CSMD1: variants seen among roughly 807,000 people sequenced by gnomAD.
The protein encoded by CSMD1 is CUB and Sushi multiple domains 1.
A neutral mutation model predicts 417.5 loss-of-function variants in CSMD1; 213 were observed. The observed-to-expected ratio is 0.51, with a 90% CI of 0.46 to 0.57. The LOEUF (loss-of-function observed/expected upper bound fraction) is 0.57. CSMD1 is among the 20% of genes least tolerant of loss of function. The pLI is 0.00. For synonymous variants in CSMD1, 2,862 were observed against 1,736.8 expected (o/e 1.65, Z -16.11); for missense variants, 6,923 against 4,529.7 (o/e 1.53, Z -15.17).
intron 68 of CSMD1, among the ~76,000 whole-genome samples, chr8:2,944,477 A>G (rs1031261226): frequency 5.9e-5 from 9 of 152,170 alleles, no homozygotes; most frequent in African/African-American, 2.2e-4. Context: ...GGTTGTGAAA[A>G]TCATATGTTA....
chr8:4,169,949 G>C (rs533726604), intron 3 of CSMD1, among the ~76,000 whole-genome samples: 1 of 149,824 alleles, frequency 6.7e-6, no homozygotes, highest in African/African-American at 2.5e-5. Context: ...TTTGGCTTGC[G>C]TGTGTGTTTT....
chr8:4,084,828 C>T (rs1418548115), intron 3 of CSMD1, among the ~76,000 whole-genome samples: 1 of 150,710 alleles, frequency 6.6e-6, no homozygotes, highest in Non-Finnish European at 1.5e-5. Context: ...CTCAAGACAG[C>T]TCTGTTCCAT....
At chr8:2,967,600 T>A (rs757054595) in intron 57 of CSMD1, among the ~76,000 whole-genome samples, 7 of 152,176 alleles carry the variant, frequency 4.6e-5, no homozygotes, top group Non-Finnish European at 7.3e-5. Flanking sequence ...CTTAGTACTG[T>A]TGCAATAATA....
intron 3 of CSMD1, among the ~76,000 whole-genome samples, chr8:4,304,731 C>G (rs977362): frequency 0.76 from 115,335 of 152,002 alleles, 43,832 homozygotes; most frequent in East Asian, 0.85. Context: ...AACTAAATCA[C>G]TTGGTAAAAG....
chr8:4,777,459 T>C (rs1796924221), intron 1 of CSMD1, among the ~76,000 whole-genome samples: 1 of 152,162 alleles, frequency 6.6e-6, no homozygotes, highest in Admixed American at 6.5e-5. Context: ...GACAGATGTG[T>C]GCCTAGACTC....
chr8:3,932,392 C>T (rs548024029), intron 5 of CSMD1, among the ~76,000 whole-genome samples: 2 of 150,560 alleles, frequency 1.3e-5, no homozygotes, highest in East Asian at 2.0e-4. Context: ...GCTATGCCTG[C>T]AACATATGCC....
chr8:4,156,129 TC>T (rs1280933663), intron 3 of CSMD1, among the ~76,000 whole-genome samples: 2 of 151,900 alleles, frequency 1.3e-5, no homozygotes, highest in Non-Finnish European at 2.9e-5. Flanking sequence ...ACATTAAGAG[TC>T]CCTCTGCCTC....
chr8:4,052,431 T>A (rs1053213750), intron 3 of CSMD1, among the ~76,000 whole-genome samples: 10 of 152,152 alleles, frequency 6.6e-5, no homozygotes, highest in African/African-American at 2.2e-4. Flanking sequence ...ATCCCAAATA[T>A]CTTGTAGTGA....
chr8:4,162,990 G>C (rs369275679), intron 3 of CSMD1, among the ~76,000 whole-genome samples: 85 of 152,162 alleles, frequency 5.6e-4, no homozygotes, highest in African/African-American at 1.9e-3. Flanking sequence ...TCACAAAGTG[G>C]GTAACCTTTT....
chr8:4,773,536 T>C (rs1325820015), intron 1 of CSMD1, among the ~76,000 whole-genome samples: 1 of 152,202 alleles, frequency 6.6e-6, no homozygotes, highest in Non-Finnish European at 1.5e-5. Flanking sequence ...TATGATTCAG[T>C]TGAAAGAAAG....
chr8:4,511,244 T>G (rs1309182015), intron 2 of CSMD1, among the ~76,000 whole-genome samples: 3 of 152,144 alleles, frequency 2.0e-5, no homozygotes, highest in African/African-American at 7.2e-5. Context: ...GTGTGAATTC[T>G]CAGACTTGGC....
intron 1 of CSMD1, among the ~76,000 whole-genome samples, chr8:4,743,433 T>G (rs188636748): frequency 6.6e-6 from 1 of 152,140 alleles, no homozygotes; most frequent in South Asian, 2.1e-4. Context: ...AATGAACGTG[T>G]GTCAAGAATG....
chr8:4,021,444 C>A (rs1201219280), intron 4 of CSMD1, among the ~76,000 whole-genome samples: 1 of 152,170 alleles, frequency 6.6e-6, no homozygotes, highest in Non-Finnish European at 1.5e-5. Context: ...GCTCTAATTA[C>A]TAAGGACCTG....
At chr8:4,755,193 C>T (rs748906655) in intron 1 of CSMD1, among the ~76,000 whole-genome samples, 10 of 152,170 alleles carry the variant, frequency 6.6e-5, no homozygotes, top group Non-Finnish European at 1.2e-4. Context: ...TTAAAGTTCT[C>T]TTGTAAAAAT....
At chr8:4,443,774 C>G (rs541386979) in intron 2 of CSMD1, among the ~76,000 whole-genome samples, 2 of 152,304 alleles carry the variant, frequency 1.3e-5, no homozygotes, top group South Asian at 2.1e-4. Flanking sequence ...CATTCTATCT[C>G]TACCAAGTGT....
At chr8:3,317,426 C>G (rs1207057554) in intron 23 of CSMD1, among the ~76,000 whole-genome samples, 1 of 152,178 alleles carries the variant, frequency 6.6e-6, no homozygotes, top group South Asian at 2.1e-4. Context: ...CATTGACACT[C>G]AATCACACAA....
chr8:3,254,192 G>C (rs1800476063), intron 26 of CSMD1, among the ~76,000 whole-genome samples: 1 of 152,160 alleles, frequency 6.6e-6, no homozygotes, highest in South Asian at 2.1e-4. Flanking sequence ...TAAGAATGTG[G>C]AATATTGGCC....
intron 3 of CSMD1, among the ~76,000 whole-genome samples, chr8:4,274,491 G>A (rs1210886434): frequency 6.6e-6 from 1 of 152,020 alleles, no homozygotes; most frequent in African/African-American, 2.4e-5. Context: ...AAACATCCAA[G>A]CAAATAACTG....
At chr8:4,113,744 A>C (rs1801983573) in intron 3 of CSMD1, among the ~76,000 whole-genome samples, 1 of 152,180 alleles carries the variant, frequency 6.6e-6, no homozygotes, top group South Asian at 2.1e-4. Flanking sequence ...AGAAAATGAA[A>C]CAGCCTTATT....
Sources: gnomAD v4.1 joint callset for allele counts (sites outside exome capture counted in the v4.1 genomes callset) on GRCh38, gnomAD v4.1.1 for gene constraint, MANE v1.5 for transcripts, NCBI Gene and HGNC (gene_info 2026-07-23, HGNC 2026-07-21) for gene names.